VWA8: variants seen among roughly 807,000 people sequenced by gnomAD.
VWA8 encodes von Willebrand factor A domain containing 8, also known as von Willebrand factor A domain-containing protein 8.
Under a neutral mutation model 241.5 loss-of-function variants are expected in VWA8, and 221 were observed. The observed-to-expected ratio is 0.91, with a 90% CI of 0.82 to 1.02. The LOEUF (loss-of-function observed/expected upper bound fraction) is 1.02. Among genes scored for constraint, VWA8 ranks in the 50% least tolerant of loss-of-function variants. The pLI is 0.00. For synonymous variants in VWA8, 852 were observed against 827.1 expected, an observed-to-expected ratio of 1.03 and a Z score of -0.52; for missense variants, 2,322 against 2,328.7, an observed-to-expected ratio of 1.00 and a Z score of 0.06.
At chr13:41,654,732 G>A (rs1341648785) in intron 37 of VWA8, among the ~76,000 whole-genome samples, 1 of 152,150 alleles carries the variant, frequency 6.6e-6, no homozygotes, top group Non-Finnish European at 1.5e-5. Context: ...GCATTATTGT[G>A]ATGTTCCTGC....
intron 43 of VWA8, among the ~76,000 whole-genome samples, chr13:41,575,312 C>T (rs571052946): frequency 2.0e-5 from 3 of 152,160 alleles, no homozygotes; most frequent in African/African-American, 4.8e-5. Context: ...CTGGGTACAG[C>T]GTATACTGCT....
intron 37 of VWA8, among the ~76,000 whole-genome samples, chr13:41,638,086 G>A (rs1233191732): frequency 1.3e-5 from 2 of 152,106 alleles, no homozygotes; most frequent in African/African-American, 4.8e-5. Flanking sequence ...ACCAGTGTGT[G>A]ACTCTAAAAA....
chr13:41,793,934 A>T (rs1244979622), intron 17 of VWA8, among the ~76,000 whole-genome samples: 1 of 152,220 alleles, frequency 6.6e-6, no homozygotes, highest in African/African-American at 2.4e-5. Context: ...TTTGTCAAAG[A>T]TCAGGTGGTT....
At chr13:41,655,369 G>T (rs1323570332) in intron 37 of VWA8, among the ~76,000 whole-genome samples, 1 of 152,098 alleles carries the variant, frequency 6.6e-6, no homozygotes, top group Admixed American at 6.5e-5. Flanking sequence ...AATTACAGGC[G>T]TGAGCCACCA....
chr13:41,903,489 G>A (rs1875555963), intron 4 of VWA8, among the ~76,000 whole-genome samples: 1 of 152,288 alleles, frequency 6.6e-6, no homozygotes, highest in South Asian at 2.1e-4. Flanking sequence ...ATAATATCAT[G>A]TACGATGACA....
chr13:41,836,941 C>G (rs1324368742), intron 12 of VWA8, among the ~76,000 whole-genome samples: 1 of 152,082 alleles, frequency 6.6e-6, no homozygotes, highest in African/African-American at 2.4e-5. Flanking sequence ...TCTTAGAAGA[C>G]TAGCTCAGTT....
chr13:41,615,129 A>C, intron 37 of VWA8, 45 bp from the exon 38 acceptor site: 2 of 1,597,688 alleles, frequency 1.3e-6, no homozygotes, highest in Non-Finnish European at 1.7e-6. Context: ...TGTGACAAAC[A>C]CCAGGGACTG....
At chr13:41,678,077 C>A (rs1325211791) in intron 35 of VWA8, among the ~76,000 whole-genome samples, 3 of 152,156 alleles carry the variant, frequency 2.0e-5, no homozygotes, top group Non-Finnish European at 4.4e-5. Context: ...TTGAGGCATT[C>A]ACAGTAAAAT....
chr13:41,824,128 A>C (rs977986955), intron 14 of VWA8, among the ~76,000 whole-genome samples: 1 of 152,224 alleles, frequency 6.6e-6, no homozygotes, highest in Non-Finnish European at 1.5e-5. Context: ...GAAGCTCTTA[A>C]ATCTGTCTTG....
chr13:41,948,074 A>C (rs1434870489), intron 2 of VWA8, among the ~76,000 whole-genome samples: 1 of 152,186 alleles, frequency 6.6e-6, no homozygotes, highest in Admixed American at 6.5e-5. Context: ...AAAAACTTGC[A>C]TATGGATGCT....
chr13:41,863,423 G>A (rs374553709), intron 12 of VWA8, among the ~76,000 whole-genome samples: 10,588 of 59,626 alleles, frequency 0.18, 841 homozygotes, highest in Non-Finnish European at 0.24. Context: ...GTGTGTGTGT[G>A]TGTGTGTGTG....
chr13:41,869,468 C>T (rs1873479191), intron 9 of VWA8, among the ~76,000 whole-genome samples: 1 of 151,564 alleles, frequency 6.6e-6, no homozygotes, highest in Non-Finnish European at 1.5e-5. Context: ...ACCCTGTCTA[C>T]TAAAAATACA....
At position 41,811,354 on chromosome 13, in the gene VWA8, A is replaced by AAT; in HGVS notation, c.1948-16_1948-15dup. 6.3e-7 allele frequency: 1 copy of AAT among 1,598,050 alleles called. No individual in the cohort carries two copies. The highest frequency in any genetic ancestry group is 8.6e-7 in the Non-Finnish European group (1 of 1,167,290). On this transcript the variant is annotated splice_polypyrimidine_tract_variant and intron_variant, in intron 16 of 44. Coordinates refer to ENST00000379310, the MANE Select transcript of VWA8 (RefSeq NM_015058.2). ...TAATGATTGTGCCTATCAAAAGACA[A>AAT]ATACATTGTGTTAAGAGTCTTGTTT...
intron 4 of VWA8, among the ~76,000 whole-genome samples, chr13:41,902,121 G>C (rs1200928073): frequency 6.6e-6 from 1 of 151,304 alleles, no homozygotes; most frequent in Non-Finnish European, 1.5e-5. Context: ...AAGTGAGAAA[G>C]AACCTGAATA....
chr13:41,604,126 A>T (rs2044539064), intron 40 of VWA8, among the ~76,000 whole-genome samples: 1 of 152,136 alleles, frequency 6.6e-6, no homozygotes, highest in Admixed American at 6.6e-5. Context: ...TTTGGCCCTT[A>T]GCCAACTATT....
In VWA8 at chr13:41,834,332, T is replaced by C. The variant is rs971232509; in HGVS notation, c.1426-801A>G. 8.5e-5 allele frequency among the ~76,000 whole-genome samples: 13 copies of C among 152,374 alleles called. No individual in the cohort carries two copies. The East Asian group carries it at 2.5e-3, about 29-fold the overall frequency. On this transcript the variant is annotated intron_variant, in intron 12 of 44. Transcript: ENST00000379310. ...TTCTATCACCTTCAGATACATTTTG[T>C]GCGACTTATAGCAAAGAAAAGTTAA...
chr13:41,816,069 T>C lies in VWA8; in HGVS notation c.1947+629A>G, dbSNP rs563922044. On this transcript the variant is annotated intron_variant, in intron 16 of 44. Coordinates refer to ENST00000379310, the MANE Select transcript of VWA8 (RefSeq NM_015058.2). ...ACAGATTTAAAATGGAAAGACAGTT[T>C]AGTTGTACAAGATATGTGAATTTAC... is the stretch of plus-strand genomic sequence containing the variant. 3.3e-5 allele frequency among the ~76,000 whole-genome samples: 5 copies of C among 152,332 alleles called. No homozygotes were observed. In the South Asian group the frequency reaches 6.2e-4, roughly 19 times the overall value.
chr13:41,880,822 TAC>T (rs1369597762), intron 9 of VWA8, among the ~76,000 whole-genome samples: 3 of 152,190 alleles, frequency 2.0e-5, no homozygotes, highest in Non-Finnish European at 2.9e-5. Flanking sequence ...ACTGTAAAAA[TAC>T]CACTTTCTTG....
chr13:41,739,423 C>T lies in VWA8; in HGVS notation c.2427-7268G>A, dbSNP rs1207998021. Among the ~76,000 whole-genome samples the T allele has an allele frequency of 2.0e-5, 3 of 152,152 alleles. No homozygotes were observed. In the East Asian group the frequency reaches 5.8e-4, roughly 29 times the overall value. ...GTTAATAACCCAAAATACATCTTCA[C>T]ATAATACATGTTATCTAAAACTTAC... On this transcript the variant is annotated intron_variant, in intron 21 of 44. Transcript: ENST00000379310.
Sources: allele counts gnomAD v4.1 joint callset (sites outside exome capture counted in the v4.1 genomes callset), GRCh38; gene constraint gnomAD v4.1.1; transcripts MANE v1.5; gene names NCBI Gene and HGNC (gene_info 2026-07-23, HGNC 2026-07-21).